Variants in SNAP25 observed in about 807,000 individuals in gnomAD.
SNAP25 encodes synaptosome associated protein 25, also known as synaptosomal-associated protein 25.
Under a neutral mutation model 28.7 loss-of-function variants are expected in SNAP25, and 3 were observed. The ratio of observed to expected loss-of-function variants is 0.10; its 90% CI spans 0.05 to 0.27. SNAP25 has a LOEUF of 0.27. SNAP25 is among the 10% of genes least tolerant of loss of function. The pLI, the probability that SNAP25 is intolerant of heterozygous loss-of-function variation, is 1.00. For synonymous variants in SNAP25, 61 were observed against 88.1 expected (o/e 0.69, Z 1.72); for missense variants, 117 against 278.7 (o/e 0.42, Z 4.13).
intron 1 of SNAP25, among the ~76,000 whole-genome samples, chr20:10,244,568 G>A (rs1282224833): frequency 3.3e-5 from 5 of 152,114 alleles, no homozygotes; most frequent in African/African-American, 4.8e-5. Flanking sequence ...TAGGCAGTTC[G>A]ACTTCAGAGT....
At chr20:10,276,901 C>T (rs1456784892) in intron 2 of SNAP25, among the ~76,000 whole-genome samples, 1 of 152,326 alleles carries the variant, frequency 6.6e-6, no homozygotes, top group East Asian at 1.9e-4. Flanking sequence ...TGCAGCCATT[C>T]TATTTCAAAA....
chr20:10,277,277 T>C (rs1483553785), intron 2 of SNAP25, among the ~76,000 whole-genome samples: 1 of 152,260 alleles, frequency 6.6e-6, no homozygotes. Context: ...TGATGTTATA[T>C]TCATCTCGAT....
intron 1 of SNAP25, among the ~76,000 whole-genome samples, chr20:10,227,848 G>A (rs893370486): frequency 1.3e-5 from 2 of 152,148 alleles, no homozygotes; most frequent in Non-Finnish European, 2.9e-5. Context: ...ACATTCACCA[G>A]TGGGGTAGAT....
At chr20:10,287,404 A>G (rs1474944682) in intron 4 of SNAP25, among the ~76,000 whole-genome samples, 5 of 151,972 alleles carry the variant, frequency 3.3e-5, no homozygotes, top group African/African-American at 1.2e-4. Context: ...AAACACATGA[A>G]AAAATGCTCA....
At chr20:10,222,319 T>C (rs1302543316) in intron 1 of SNAP25, among the ~76,000 whole-genome samples, 5 of 152,130 alleles carry the variant, frequency 3.3e-5, no homozygotes, top group African/African-American at 1.2e-4. Flanking sequence ...CAACAATAAG[T>C]AACATAAAAT....
intron 1 of SNAP25, among the ~76,000 whole-genome samples, chr20:10,224,563 C>T (rs747801160): frequency 5.3e-5 from 8 of 151,768 alleles, no homozygotes; most frequent in Admixed American, 2.6e-4. Context: ...GCCTAGTGAC[C>T]GATGGCCTCA....
At chr20:10,258,823 A>G (rs1404153376) in intron 1 of SNAP25, among the ~76,000 whole-genome samples, 1 of 152,214 alleles carries the variant, frequency 6.6e-6, no homozygotes, top group African/African-American at 2.4e-5. Flanking sequence ...CTCTTCTGCC[A>G]TCAAATGGGA....
At chr20:10,230,666 G>T (rs925894714) in intron 1 of SNAP25, among the ~76,000 whole-genome samples, 1 of 152,114 alleles carries the variant, frequency 6.6e-6, no homozygotes, top group African/African-American at 2.4e-5. Flanking sequence ...AGAGATCTTT[G>T]TTGTTCCTTC....
chr20:10,289,875 G>A (rs935586147), intron 4 of SNAP25, among the ~76,000 whole-genome samples: 2 of 151,758 alleles, frequency 1.3e-5, no homozygotes, highest in Non-Finnish European at 2.9e-5. Flanking sequence ...ATAGATCCTT[G>A]AGGATTCTGT....
intron 1 of SNAP25, among the ~76,000 whole-genome samples, chr20:10,272,151 A>T (rs527303029): frequency 6.6e-6 from 1 of 152,316 alleles, no homozygotes; most frequent in East Asian, 1.9e-4. Flanking sequence ...TTCCACTCTT[A>T]GCCAAGGGTG....
chr20:10,283,197 C>T (rs1407875841), intron 3 of SNAP25, among the ~76,000 whole-genome samples: 1 of 152,152 alleles, frequency 6.6e-6, no homozygotes, highest in African/African-American at 2.4e-5. Context: ...ATTTTAGAAA[C>T]ACTTATTTTA....
chr20:10,223,615 A>G (rs1244907625), intron 1 of SNAP25, among the ~76,000 whole-genome samples: 1 of 152,140 alleles, frequency 6.6e-6, no homozygotes, highest in Non-Finnish European at 1.5e-5. Flanking sequence ...AAGGTGAAGG[A>G]AGGAGATATG....
chr20:10,289,180 A>G (rs879819330), intron 4 of SNAP25, among the ~76,000 whole-genome samples: 6 of 152,194 alleles, frequency 3.9e-5, no homozygotes, highest in Admixed American at 3.9e-4. Flanking sequence ...ATACCCAGGT[A>G]TCGGGAGACA....
At chr20:10,296,042 T>C (rs2064101658) in intron 5 of SNAP25, among the ~76,000 whole-genome samples, 1 of 152,226 alleles carries the variant, frequency 6.6e-6, no homozygotes, top group Non-Finnish European at 1.5e-5. Flanking sequence ...TCATGAAGGC[T>C]ATTACTGTCC....
intron 1 of SNAP25, among the ~76,000 whole-genome samples, chr20:10,268,763 A>C (rs1024724428): frequency 1.3e-5 from 2 of 152,206 alleles, no homozygotes; most frequent in Admixed American, 1.3e-4. Flanking sequence ...TAAGTGTAGC[A>C]TTAAAGAATA....
chr20:10,258,134 T>C (rs1195220540), intron 1 of SNAP25, among the ~76,000 whole-genome samples: 3 of 152,336 alleles, frequency 2.0e-5, no homozygotes, highest in South Asian at 2.1e-4. Flanking sequence ...TGAAGTTACA[T>C]GTTTGTTAAT....
At chr20:10,224,673 C>T (rs1168513794) in intron 1 of SNAP25, among the ~76,000 whole-genome samples, 1 of 151,906 alleles carries the variant, frequency 6.6e-6, no homozygotes, top group East Asian at 1.9e-4. Context: ...ATTTTTTCCC[C>T]CCTCAGAATT....
intron 4 of SNAP25, among the ~76,000 whole-genome samples, chr20:10,285,007 A>C (rs112798307): frequency 6.6e-6 from 1 of 152,066 alleles, no homozygotes; most frequent in Non-Finnish European, 1.5e-5. Flanking sequence ...TCTCTGTTAT[A>C]TATGTTGGGG....
rs71332917 is a variant in SNAP25 at position 10,224,257 on chromosome 20, C to CTTTTTTTTTTTTTTTTTT, written c.-64+5298_-64+5315dup. On this transcript the variant is annotated intron_variant, in intron 1 of 7. Transcript: ENST00000254976. ...AATAAGGCATAGAGAATGTACATGT[C>CTTTTTTTTTTTTTTTTTT]TTTTTTTTTTTTTTTTTTTTTTTTT... is the stretch of plus-strand genomic sequence containing the variant. 5.7e-4 allele frequency among the ~76,000 whole-genome samples: 10 copies of CTTTTTTTTTTTTTTTTTT among 17,432 alleles called. 4 individuals are homozygous for CTTTTTTTTTTTTTTTTTT. The highest frequency in any genetic ancestry group is 5.7e-4 in the Non-Finnish European group (6 of 10,570). 11.4% of individuals were successfully genotyped at this position (17,432 alleles called of 152,430 possible).
Sources: allele counts gnomAD v4.1 joint callset (sites outside exome capture counted in the v4.1 genomes callset), GRCh38; gene constraint gnomAD v4.1.1; transcripts MANE v1.5; gene names NCBI Gene and HGNC (gene_info 2026-07-23, HGNC 2026-07-21).